The following DYNC2H1 variants were observed in gnomAD, a reference collection of about 807,000 sequenced individuals.
DYNC2H1 encodes dynein cytoplasmic 2 heavy chain 1.
DYNC2H1 carries 410 observed loss-of-function variants against 570.0 expected under a neutral mutation model. The observed-to-expected ratio is 0.72, with a 90% CI of 0.66 to 0.78. The LOEUF is 0.78. DYNC2H1 is among the 30% of genes least tolerant of loss of function. The pLI, the probability that DYNC2H1 is intolerant of heterozygous loss-of-function variation, is 0.00. For synonymous variants in DYNC2H1, 1,688 were observed against 1,677.6 expected (o/e 1.01, Z -0.15); for missense variants, 4,865 against 5,046.4 (o/e 0.96, Z 1.09).
chr11:103,479,128 A>G lies in DYNC2H1; in HGVS notation c.12799A>G (p.Ile4267Val). Reference sequence around the variant, plus strand: ...TGGTCCATATTCTCCGGATGAGTGCATCTCTTTGCCTGTTTACACAAGTGC... The same window carrying G: ...TGGTCCATATTCTCCGGATGAGTGCGTCTCTTTGCCTGTTTACACAAGTGC... The part of the protein sequence containing the change: ...ACGPYSPDEC[I>V]SLPVYTSAER... The change falls in exon 89 of 89, where the codon ATC becomes GTC. Residue 4267 changes from isoleucine to valine, a missense_variant. Ile to Val is a conservative substitution (Grantham distance 29, BLOSUM62 3). Transcript: ENST00000375735. 1 of 1,613,804 alleles carries G rather than the reference A, an allele frequency of 6.2e-7. No homozygotes were observed. Among genetic ancestry groups the G allele is most frequent in the South Asian group, 1.1e-5 (1 of 91,088 alleles).
rs3076351 is a variant in DYNC2H1 at position 103,270,577 on chromosome 11, CCTCTCTCT to C, written c.10696-9753_10696-9746del. On this transcript the variant is annotated intron_variant, in intron 70 of 88. Coordinates refer to ENST00000375735, the MANE Select transcript of DYNC2H1 (RefSeq NM_001377.3). ...GTGATGAAAATTATATGATGTGGTA[CCTCTCTCT>C]CTCTCTCTCTCTCTCTCGAACTATC... 3.1e-4 allele frequency among the ~76,000 whole-genome samples: 46 copies of C among 146,368 alleles called. No individual in the cohort carries two copies. The South Asian group carries it at 8.8e-3, about 28-fold the overall frequency.
intron 79 of DYNC2H1, among the ~76,000 whole-genome samples, chr11:103,314,839 T>C (rs1014210615): frequency 2.6e-5 from 4 of 152,094 alleles, no homozygotes; most frequent in African/African-American, 9.6e-5. Flanking sequence ...TAGCAACGGT[T>C]TTCTAATTTG....
intron 85 of DYNC2H1, among the ~76,000 whole-genome samples, chr11:103,437,891 ATAAT>A (rs1944118899): frequency 1.3e-5 from 2 of 152,102 alleles, no homozygotes; most frequent in Non-Finnish European, 2.9e-5. Flanking sequence ...CAGTGGTACT[ATAAT>A]TAATACTCTT....
At chr11:103,441,845 T>G (rs1292000490) in intron 85 of DYNC2H1, among the ~76,000 whole-genome samples, 1 of 152,142 alleles carries the variant, frequency 6.6e-6, no homozygotes, top group Non-Finnish European at 1.5e-5. Context: ...ATTACATTGT[T>G]AGGTTTTCAC....
At chr11:103,449,151 A>G (rs1365404390) in intron 85 of DYNC2H1, among the ~76,000 whole-genome samples, 1 of 152,200 alleles carries the variant, frequency 6.6e-6, no homozygotes, top group African/African-American at 2.4e-5. Flanking sequence ...GGCCTGAGGC[A>G]AAAAGGGTTT....
intron 84 of DYNC2H1, chr11:103,406,719 A>G (rs1942878253): frequency 6.6e-6 from 1 of 151,914 alleles, no homozygotes; most frequent in African/African-American, 2.4e-5. Flanking sequence ...GTAGGCTAGG[A>G]TTTTGTGTAG....
At chr11:103,215,163 A>T (rs1863330673) in intron 54 of DYNC2H1, among the ~76,000 whole-genome samples, 1 of 152,010 alleles carries the variant, frequency 6.6e-6, no homozygotes. Context: ...TGCCCGATTG[A>T]TGTGGCTTGG....
chr11:103,441,447 A>T (rs1314309608), intron 85 of DYNC2H1, among the ~76,000 whole-genome samples: 2 of 149,540 alleles, frequency 1.3e-5, no homozygotes, highest in African/African-American at 4.9e-5. Flanking sequence ...ATTATAATCT[A>T]TTTATTTTTA....
Position 103,395,508 on chromosome 11 carries a change from C to T in DYNC2H1, c.12157-4155C>T, listed in dbSNP as rs1279112223. ...ATGTATATGTACACACACACACACA[C>T]ACACACACTTCTCTGTATTGGCACC... On this transcript the variant is annotated intron_variant, in intron 83 of 88. Transcript: ENST00000375735. This position sits in a 1 kb window ranked among gnomAD's most constrained non-coding sequence, Gnocchi z 4.3. Among the ~76,000 whole-genome samples, 1 of 151,828 alleles carries T rather than the reference C, an allele frequency of 6.6e-6. No individual in the cohort carries two copies. Among genetic ancestry groups the T allele is most frequent in the Non-Finnish European group, 1.5e-5 (1 of 67,980 alleles).
At chr11:103,246,984 TTC>T (rs914582986) in intron 65 of DYNC2H1, among the ~76,000 whole-genome samples, 1 of 151,672 alleles carries the variant, frequency 6.6e-6, no homozygotes, top group African/African-American at 2.4e-5. Context: ...AATTCTCTTT[TTC>T]TCTCTCTCTC....
Position 103,122,815 on chromosome 11 carries a change from G to T in DYNC2H1, c.1486-10G>T, listed in dbSNP as rs1212775314. 4 of 1,607,822 alleles carry T rather than the reference G, an allele frequency of 2.5e-6. No individual in the cohort carries two copies. The highest frequency in any genetic ancestry group is 1.1e-5 in the South Asian group (1 of 89,940). ...AAATAATGCACATGTCTGTAATTTG[G>T]CTTTTTAAGGTAGATGATACTATCA... On this transcript the variant is annotated splice_polypyrimidine_tract_variant and intron_variant, in intron 10 of 88. Coordinates refer to ENST00000375735, the MANE Select transcript of DYNC2H1 (RefSeq NM_001377.3).
intron 12 of DYNC2H1, among the ~76,000 whole-genome samples, chr11:103,127,656 C>T (rs12577098): frequency 0.088 from 13,392 of 152,242 alleles, 773 homozygotes; most frequent in Non-Finnish European, 0.12. Context: ...AGACTCAGCC[C>T]AGGGTGTCCA....
chr11:103,179,092 T>C lies in DYNC2H1; in HGVS notation c.6206T>C (p.Val2069Ala), dbSNP rs921456254. The C allele has an allele frequency of 4.7e-5, 76 of 1,612,882 alleles. No homozygotes were observed. The highest frequency in any genetic ancestry group is 5.9e-5 in the Non-Finnish European group (70 of 1,179,240). Residue 2069 changes from valine to alanine, a missense_variant, in exon 39 of 89, where the codon GTT becomes GCT. By Grantham distance (64) the Val-to-Ala change is moderately conservative (BLOSUM62 0). This residue lies in a region of DYNC2H1 where 231 missense variants were observed against 310.3 expected (regional missense o/e 0.74). Transcript: ENST00000375735. ...DPEWIESLNS[V>A]LDDNRLLTMP... Reference sequence around the variant, plus strand: ...GAATGGATAGAATCTCTGAATTCTGTTCTGGATGATAATCGACTGCTGACT... The same window carrying C: ...GAATGGATAGAATCTCTGAATTCTGCTCTGGATGATAATCGACTGCTGACT...
At position 103,446,053 on chromosome 11, in the gene DYNC2H1, T is replaced by C. The variant is rs1399586130; in HGVS notation, c.12457-9133T>C. 6.6e-6 allele frequency among the ~76,000 whole-genome samples: 1 copy of C among 151,916 alleles called. No individual in the cohort carries two copies. Among genetic ancestry groups the C allele is most frequent in the East Asian group, 1.9e-4 (1 of 5,178 alleles). On this transcript the variant is annotated intron_variant, in intron 85 of 88. Transcript: ENST00000375735. This position sits in a 1 kb window ranked among gnomAD's most constrained non-coding sequence, Gnocchi z 4.5. The stretch of plus-strand genomic sequence containing the variant: ...GAGCAGAGTTTTGTTGTTGTTGTTG[T>C]TGTTGTTGTTGTTGTTTAGGGAGGA...
intron 25 of DYNC2H1, among the ~76,000 whole-genome samples, chr11:103,155,757 A>T (rs1162247805): frequency 2.6e-5 from 4 of 152,222 alleles, no homozygotes; most frequent in Admixed American, 2.6e-4. Context: ...AAAAGCTCTC[A>T]GGTAAAAGTA....
chr11:103,118,368 AC>A (rs569331242), intron 6 of DYNC2H1, among the ~76,000 whole-genome samples: 1,978 of 152,084 alleles, frequency 0.013, 24 homozygotes, highest in Middle Eastern at 0.031. Context: ...AAAAAAAAAA[AC>A]AAAACTTTTT....
intron 81 of DYNC2H1, 120 bp downstream of exon 81, chr11:103,321,357 T>A: frequency 9.1e-7 from 1 of 1,098,316 alleles, no homozygotes; most frequent in African/African-American, 1.6e-5. Context: ...GTTTGGATTA[T>A]TTGTTATGAC....
chr11:103,405,283 T>G (rs537646806), intron 84 of DYNC2H1: 1 of 151,758 alleles, frequency 6.6e-6, no homozygotes, highest in African/African-American at 2.4e-5. Context: ...ACTGCTGTAA[T>G]GAGGGCTGAT....
At chr11:103,341,925 C>A (rs1208219875) in intron 82 of DYNC2H1, among the ~76,000 whole-genome samples, 1 of 152,110 alleles carries the variant, frequency 6.6e-6, no homozygotes, top group Non-Finnish European at 1.5e-5. Flanking sequence ...AAATTCAGTT[C>A]TTTGAAACAT....
Sources: gnomAD v4.1 joint callset for allele counts (sites outside exome capture counted in the v4.1 genomes callset) on GRCh38, gnomAD v4.1.1 for gene constraint, gnomAD v4.1.1 regional missense constraint, Gnocchi (gnomAD v3.1) non-coding constraint, MANE v1.5 for transcripts, NCBI Gene and HGNC (gene_info 2026-07-23, HGNC 2026-07-21) for gene names.